CARMIL1: variants seen among roughly 807,000 people sequenced by gnomAD.
CARMIL1 encodes F-actin-uncapping protein LRRC16A.
Under a neutral mutation model 177.1 loss-of-function variants are expected in CARMIL1, and 90 were observed. That is an observed-to-expected ratio of 0.51 (90% CI 0.43 to 0.61). The LOEUF (loss-of-function observed/expected upper bound fraction) is 0.61. Ranked by LOEUF, CARMIL1 falls within the 20% of genes least tolerant of loss-of-function variation. The probability of loss-of-function intolerance (pLI) is 0.00; values close to 1 mark genes in which losing one functional copy is unlikely to be tolerated. For missense variants in CARMIL1, 1,380 were observed against 1,667.0 expected (o/e 0.83, Z 3.00); for synonymous variants, 577 against 606.2 (o/e 0.95, Z 0.71).
chr6:25,352,537 T>G (rs1449476543), intron 2 of CARMIL1, among the ~76,000 whole-genome samples: 1 of 152,190 alleles, frequency 6.6e-6, no homozygotes, highest in Admixed American at 6.5e-5. Flanking sequence ...GAATTGAGAC[T>G]TGGAAGCTGG....
intron 5 of CARMIL1, among the ~76,000 whole-genome samples, chr6:25,440,232 G>C (rs1797618113): frequency 6.6e-6 from 1 of 152,212 alleles, no homozygotes; most frequent in Admixed American, 6.5e-5. Context: ...AGATGAGACA[G>C]GAGATGATTG....
intron 2 of CARMIL1, among the ~76,000 whole-genome samples, chr6:25,323,574 A>C (rs966903754): frequency 3.3e-5 from 5 of 152,108 alleles, no homozygotes; most frequent in African/African-American, 1.2e-4. Flanking sequence ...ACACCACTGC[A>C]CTCCAGCATA....
At chr6:25,616,336 G>C (rs1266114871) in intron 36 of CARMIL1, among the ~76,000 whole-genome samples, 1 of 152,212 alleles carries the variant, frequency 6.6e-6, no homozygotes, top group Non-Finnish European at 1.5e-5. Flanking sequence ...GGGAGGCTGA[G>C]TCTGGAGGAT....
chr6:25,594,066 C>T (rs1054163558), intron 31 of CARMIL1, among the ~76,000 whole-genome samples: 2 of 152,082 alleles, frequency 1.3e-5, no homozygotes, highest in African/African-American at 4.8e-5. Context: ...GAAGTCAGTG[C>T]GTGTTTCATT....
chr6:25,353,318 A>G (rs1386807629), intron 2 of CARMIL1, among the ~76,000 whole-genome samples: 1 of 152,202 alleles, frequency 6.6e-6, no homozygotes, highest in Non-Finnish European at 1.5e-5. Flanking sequence ...TATTATTCAG[A>G]TGATAAAACT....
At chr6:25,381,124 A>G (rs996604673) in intron 2 of CARMIL1, among the ~76,000 whole-genome samples, 1 of 152,180 alleles carries the variant, frequency 6.6e-6, no homozygotes, top group East Asian at 1.9e-4. Flanking sequence ...ATTTTCACTT[A>G]GTCACCTTAA....
chr6:25,556,947 A>T, intron 29 of CARMIL1, 97 bp downstream of exon 29: 9 of 1,246,512 alleles, frequency 7.2e-6, no homozygotes, highest in Middle Eastern at 1.9e-4. Context: ...AAATCAGACC[A>T]AACAAAACAC....
chr6:25,495,043 G>A (rs200392276), intron 15 of CARMIL1, 68 bp from the exon 16 acceptor site: 3 of 860,912 alleles, frequency 3.5e-6, no homozygotes, highest in Non-Finnish European at 5.7e-6. Flanking sequence ...ATTTCACAGT[G>A]TCTGAATAAT....
At chr6:25,303,217 C>T (rs1783008692) in intron 2 of CARMIL1, among the ~76,000 whole-genome samples, 1 of 151,654 alleles carries the variant, frequency 6.6e-6, no homozygotes, top group Non-Finnish European at 1.5e-5. Flanking sequence ...TCCATTTCTT[C>T]CATGTGATAA....
intron 30 of CARMIL1, 75 bp downstream of exon 30, chr6:25,581,065 G>A: frequency 6.9e-7 from 1 of 1,453,584 alleles, no homozygotes; most frequent in Non-Finnish European, 9.4e-7. Flanking sequence ...ACCATTTTAG[G>A]GATGTTCCTT....
chr6:25,412,522 A>G (rs1794996858), intron 2 of CARMIL1, among the ~76,000 whole-genome samples: 1 of 152,248 alleles, frequency 6.6e-6, no homozygotes, highest in Non-Finnish European at 1.5e-5. Flanking sequence ...TCTAGGCTGC[A>G]GTGAGCTGTG....
chr6:25,338,561 T>A (rs1238532653), intron 2 of CARMIL1, among the ~76,000 whole-genome samples: 1 of 151,350 alleles, frequency 6.6e-6, no homozygotes, highest in African/African-American at 2.4e-5. Context: ...CTTTTTTTTT[T>A]TTTTTTATTT....
chr6:25,482,244 TTTCC>T lies in CARMIL1; in HGVS notation c.875-10_875-7del. 1 of 1,424,146 alleles carries T rather than the reference TTTCC, an allele frequency of 7.0e-7. No individual in the cohort carries two copies. The highest frequency in any genetic ancestry group is 9.7e-7 in the Non-Finnish European group (1 of 1,028,614). 88.2% of individuals were successfully genotyped at this position (1,424,146 alleles called of 1,614,324 possible). A position where few individuals can be genotyped will look rare whatever the true frequency, so the allele number is the denominator to read the frequency against. Reference sequence around the variant, plus strand: ...AACTTGAAAATTCTAATCGCTTCTTTTTCCTTTCTCAGGTGTGTCCTCTTTAAGT... The same window carrying T: ...AACTTGAAAATTCTAATCGCTTCTTTTTTCTCAGGTGTGTCCTCTTTAAGT... On this transcript the variant is annotated splice_polypyrimidine_tract_variant and intron_variant, in intron 11 of 36. Transcript: ENST00000329474.
chr6:25,353,375 C>T (rs1788296718), intron 2 of CARMIL1, among the ~76,000 whole-genome samples: 2 of 152,100 alleles, frequency 1.3e-5, no homozygotes, highest in African/African-American at 4.8e-5. Context: ...AGATTAGAAC[C>T]CAGGTCTATC....
Position 25,488,422 on chromosome 6 carries a change from C to T in CARMIL1, c.962-60C>T, listed in dbSNP as rs1021625356. On this transcript the variant is annotated intron_variant, in intron 12 of 36. Transcript: ENST00000329474. The stretch of plus-strand genomic sequence containing the variant: ...GGAAGTGTTGGGCCATTTATAGAAA[C>T]ACAAACCTCATTTTGTTTCCTGGAG... 18 of 1,248,074 alleles carry T rather than the reference C, an allele frequency of 1.4e-5. No homozygotes were observed. The African/African-American group carries it at 2.5e-4, about 17-fold the overall frequency. 77.3% of individuals were successfully genotyped at this position (1,248,074 alleles called of 1,614,324 possible).
Position 25,520,346 on chromosome 6 carries a change from G to T in CARMIL1, c.1968+9G>T. 6.9e-7 allele frequency: 1 copy of T among 1,441,842 alleles called. No homozygotes were observed. Among genetic ancestry groups the T allele is most frequent in the Non-Finnish European group, 9.5e-7 (1 of 1,052,464 alleles). 89.3% of individuals were successfully genotyped at this position (1,441,842 alleles called of 1,614,324 possible). On this transcript the variant is annotated intron_variant, in intron 23 of 36. Coordinates refer to ENST00000329474, the MANE Select transcript of CARMIL1 (RefSeq NM_017640.6). ...AAGACGCTCTGCAAAAGGTATTAAAGAATCAGTAGCTTAATTACAAGAAAT... is the reference window on the plus strand; with the variant it reads ...AAGACGCTCTGCAAAAGGTATTAAATAATCAGTAGCTTAATTACAAGAAAT...
At position 25,553,539 on chromosome 6, in the gene CARMIL1, C is replaced by T. The variant is rs7739410; in HGVS notation, c.2505-470C>T. Among the ~76,000 whole-genome samples the T allele has an allele frequency of 8.7e-3, 1,323 of 152,282 alleles. 9 individuals are homozygous for T. The highest frequency in any genetic ancestry group is 0.012 in the African/African-American group (508 of 41,556). Reference sequence around the variant, plus strand: ...AAGTAAGATGGTCAGTCAAAGCAGACGCAGTTATGGTATCATTTGATTGGT... The same window carrying T: ...AAGTAAGATGGTCAGTCAAAGCAGATGCAGTTATGGTATCATTTGATTGGT... On this transcript the variant is annotated intron_variant, in intron 27 of 36. Transcript: ENST00000329474.
chr6:25,349,601 G>T (rs927746873), intron 2 of CARMIL1, among the ~76,000 whole-genome samples: 4 of 152,128 alleles, frequency 2.6e-5, no homozygotes, highest in African/African-American at 7.2e-5. Context: ...TAAAAGATTG[G>T]TAGTTCCCAC....
rs1808717630 is a variant in CARMIL1 at position 25,539,897 on chromosome 6, T to C, written c.2197-50T>C. 3 of 1,385,198 alleles carry C rather than the reference T, an allele frequency of 2.2e-6. No homozygotes were observed. In the African/African-American group the frequency reaches 4.4e-5, roughly 20 times the overall value. The allele number at this position is 1,385,198 out of a possible 1,614,324, so 85.8% of individuals were successfully genotyped here. On this transcript the variant is annotated intron_variant, in intron 25 of 36. Coordinates refer to ENST00000329474, the MANE Select transcript of CARMIL1 (RefSeq NM_017640.6). Reference sequence around the variant, plus strand: ...CTCATTCACTCTGCAATGACTTTGATTGAAATATTTACCCAATTCTAAAGA... The same window carrying C: ...CTCATTCACTCTGCAATGACTTTGACTGAAATATTTACCCAATTCTAAAGA...
Sources: allele counts gnomAD v4.1 joint callset (sites outside exome capture counted in the v4.1 genomes callset), GRCh38; gene constraint gnomAD v4.1.1; transcripts MANE v1.5; gene names NCBI Gene and HGNC (gene_info 2026-07-23, HGNC 2026-07-21).